NEURL1: variants seen among roughly 807,000 people sequenced by gnomAD.
The protein encoded by NEURL1 is E3 ubiquitin-protein ligase NEURL1.
A neutral mutation model predicts 41.2 loss-of-function variants in NEURL1; 26 were observed. The observed-to-expected ratio is 0.63, with a 90% CI of 0.46 to 0.87. NEURL1 has a LOEUF of 0.87. Among genes scored for constraint, NEURL1 ranks in the 40% least tolerant of loss-of-function variants. The pLI is 0.00. For synonymous variants in NEURL1, 400 were observed against 402.3 expected, an observed-to-expected ratio of 0.99 and a Z score of 0.07; for missense variants, 761 against 871.1, an observed-to-expected ratio of 0.87 and a Z score of 1.59.
intron 1 of NEURL1, among the ~76,000 whole-genome samples, chr10:103,495,584 A>G (rs1016491540): frequency 6.6e-6 from 1 of 152,196 alleles, no homozygotes; most frequent in Admixed American, 6.5e-5. Context: ...CCTCGGCGCT[A>G]GGTGCTAGGC....
Position 103,566,458 on chromosome 10 carries a change from C to T in NEURL1, c.86-4414C>T, listed in dbSNP as rs1257457986. ...AAAATATCATACGGATGGAATCGTA[C>T]AGCATACAGCCCTTTGCATCTGGCT... On this transcript the variant is annotated intron_variant, in intron 1 of 5. Coordinates refer to ENST00000369780, the MANE Select transcript of NEURL1 (RefSeq NM_004210.5). This position sits in a 1 kb window ranked among gnomAD's most constrained non-coding sequence, Gnocchi z 4.2. Among the ~76,000 whole-genome samples, 4 of 152,180 alleles carry T rather than the reference C, an allele frequency of 2.6e-5. No homozygotes were observed. Among genetic ancestry groups the T allele is most frequent in the African/African-American group, 9.7e-5 (4 of 41,450 alleles).
At chr10:103,515,668 T>A (rs2148021) in intron 1 of NEURL1, among the ~76,000 whole-genome samples, 40,497 of 152,236 alleles carry the variant, frequency 0.27, 5,798 homozygotes, top group East Asian at 0.41. Context: ...AGTGAAACAT[T>A]TAGCTCAGCC....
In NEURL1 at chr10:103,581,311, CAT is replaced by C. The variant is rs2035779584; in HGVS notation, c.650-3224_650-3223del. Reference sequence around the variant, plus strand: ...AAAGCCCATGCACTTTCTTCTGAATCATGTGGCATTTCACATGCCAATAACAA... The same window carrying C: ...AAAGCCCATGCACTTTCTTCTGAATCGTGGCATTTCACATGCCAATAACAA... On this transcript the variant is annotated intron_variant, in intron 3 of 5. Coordinates refer to ENST00000369780, the MANE Select transcript of NEURL1 (RefSeq NM_004210.5). Among the ~76,000 whole-genome samples, 3 of 152,332 alleles carry C rather than the reference CAT, an allele frequency of 2.0e-5. No homozygotes were observed. In the South Asian group the frequency reaches 6.2e-4, roughly 32 times the overall value.
chr10:103,570,321 G>A (rs949458282), intron 1 of NEURL1, among the ~76,000 whole-genome samples: 7 of 152,112 alleles, frequency 4.6e-5, no homozygotes, highest in African/African-American at 4.8e-5. Context: ...AGTAGAGGCC[G>A]CCCATTGTGC....
At chr10:103,568,707 C>A (rs2035476869) in intron 1 of NEURL1, among the ~76,000 whole-genome samples, 1 of 152,182 alleles carries the variant, frequency 6.6e-6, no homozygotes, top group South Asian at 2.1e-4. Flanking sequence ...AGGAACACAG[C>A]CACACTGCCA....
chr10:103,494,076 G>T lies in NEURL1; in HGVS notation c.-312G>T, dbSNP rs1248644632. The T allele has an allele frequency of 3.9e-6, 1 of 255,652 alleles. No homozygotes were observed. Among genetic ancestry groups the T allele is most frequent in the East Asian group, 8.4e-5 (1 of 11,950 alleles). 15.8% of individuals were successfully genotyped at this position (255,652 alleles called of 1,614,324 possible). ...CCAGCCGGAACCCTAGCGTCCCGGG[G>T]AGCAAGCGGGGAGCCCCGGGCGTCC... On this transcript the variant is annotated 5_prime_UTR_variant, in exon 1 of 6. Coordinates refer to ENST00000369780, the MANE Select transcript of NEURL1 (RefSeq NM_004210.5).
chr10:103,583,071 G>T (rs571680193), intron 3 of NEURL1, among the ~76,000 whole-genome samples: 1 of 152,314 alleles, frequency 6.6e-6, no homozygotes, highest in African/African-American at 2.4e-5. Context: ...TTTATTGAAA[G>T]TTATAGGACT....
At chr10:103,540,728 T>C (rs1327801149) in intron 1 of NEURL1, among the ~76,000 whole-genome samples, 1 of 152,256 alleles carries the variant, frequency 6.6e-6, no homozygotes, top group Non-Finnish European at 1.5e-5. Context: ...ATTCTCTTCT[T>C]GTTGATGGAG....
At chr10:103,506,175 G>T (rs2033942519) in intron 1 of NEURL1, among the ~76,000 whole-genome samples, 1 of 152,182 alleles carries the variant, frequency 6.6e-6, no homozygotes, top group South Asian at 2.1e-4. Flanking sequence ...CATGCTCTTG[G>T]CTTTCACCTT....
At chr10:103,530,246 G>A (rs547419658) in intron 1 of NEURL1, among the ~76,000 whole-genome samples, 32 of 149,062 alleles carry the variant, frequency 2.1e-4, no homozygotes, top group Non-Finnish European at 3.6e-4. Flanking sequence ...TTTGTGTTTT[G>A]TTTGTTCTTT....
chr10:103,542,631 T>TG (rs1393047360), intron 1 of NEURL1, among the ~76,000 whole-genome samples: 1 of 152,186 alleles, frequency 6.6e-6, no homozygotes, highest in East Asian at 1.9e-4. Flanking sequence ...GCTGTTGTCT[T>TG]GGGGTGGTGT....
chr10:103,582,328 C>G (rs2035798912), intron 3 of NEURL1, among the ~76,000 whole-genome samples: 1 of 152,332 alleles, frequency 6.6e-6, no homozygotes, highest in South Asian at 2.1e-4. Context: ...CCATTTGTCT[C>G]TCCTACCTCC....
chr10:103,534,180 A>ATT (rs35899711), intron 1 of NEURL1, among the ~76,000 whole-genome samples: 14,811 of 138,514 alleles, frequency 0.11, 1,061 homozygotes, highest in South Asian at 0.27. Flanking sequence ...GTCTATCTGT[A>ATT]TTTTTTTTTT....
At position 103,566,159 on chromosome 10, in the gene NEURL1, A is replaced by G. The variant is rs2035419877; in HGVS notation, c.86-4713A>G. Among the ~76,000 whole-genome samples, 1 of 151,822 alleles carries G rather than the reference A, an allele frequency of 6.6e-6. No homozygotes were observed. Among genetic ancestry groups the G allele is most frequent in the African/African-American group, 2.4e-5 (1 of 41,282 alleles). ...GGCTGAAGTGCAGTGGTGCTATCAT[A>G]GCTCACTGCAATCTCAAATTCCTGG... On this transcript the variant is annotated intron_variant, in intron 1 of 5. Coordinates refer to ENST00000369780, the MANE Select transcript of NEURL1 (RefSeq NM_004210.5). The surrounding 1 kb of genome is among the most constrained non-coding windows in gnomAD (Gnocchi z 4.2).
chr10:103,553,179 C>A (rs192766979), intron 1 of NEURL1, among the ~76,000 whole-genome samples: 14 of 152,310 alleles, frequency 9.2e-5, no homozygotes, highest in Non-Finnish European at 1.8e-4. Flanking sequence ...ATTTCCTCAT[C>A]TGTAAAATGG....
At chr10:103,562,640 G>A (rs895726515) in intron 1 of NEURL1, among the ~76,000 whole-genome samples, 1 of 152,182 alleles carries the variant, frequency 6.6e-6, no homozygotes, top group Non-Finnish European at 1.5e-5. Flanking sequence ...TTAATCTTGT[G>A]TAAGAACCAG....
In NEURL1 at chr10:103,590,243, C is replaced by G. The variant is rs765431460; in HGVS notation, c.1596C>G (p.Val532=). 1 of 1,613,558 alleles carries G rather than the reference C, an allele frequency of 6.2e-7. No individual in the cohort carries two copies. The highest frequency in any genetic ancestry group is 1.1e-5 in the South Asian group (1 of 91,008). Reference sequence around the variant, plus strand: ...GCTATGAACACGCGGTGGACACGGTCATCTACACATGTGGCCACATGTGCC... The same window carrying G: ...GCTATGAACACGCGGTGGACACGGTGATCTACACATGTGGCCACATGTGCC... ...TICYEHAVDT[V]IYTCGHMCLC... The change falls in exon 6 of 6, where the codon GTC becomes GTG. Residue 532 remains valine (V), a synonymous_variant. Coordinates refer to ENST00000369780, the MANE Select transcript of NEURL1 (RefSeq NM_004210.5).
At position 103,571,596 on chromosome 10, in the gene NEURL1, C is replaced by T. The variant is rs200022664; in HGVS notation, c.423C>T (p.Tyr141=). Reference sequence around the variant, plus strand: ...TCCACCCTGACTCGCTGCCCAAGTACGCCTGCCCCGACCTGGTGTCCCAGA... The same window carrying T: ...TCCACCCTGACTCGCTGCCCAAGTATGCCTGCCCCGACCTGGTGTCCCAGA... The part of the protein sequence containing the change: ...SRIHPDSLPK[Y]ACPDLVSQSG... The change falls in exon 3 of 6, where the codon TAC becomes TAT. Residue 141 remains tyrosine (Y), a synonymous_variant. Transcript: ENST00000369780. 124 of 1,614,052 alleles carry T rather than the reference C, an allele frequency of 7.7e-5. No homozygotes were observed. The African/African-American group carries it at 1.3e-3, about 17-fold the overall frequency.
chr10:103,520,553 G>T (rs1418772108), intron 1 of NEURL1, among the ~76,000 whole-genome samples: 1 of 152,178 alleles, frequency 6.6e-6, no homozygotes, highest in Non-Finnish European at 1.5e-5. Context: ...GACTTCTTTT[G>T]TGATTCTTCA....
Sources: allele counts gnomAD v4.1 joint callset (sites outside exome capture counted in the v4.1 genomes callset), GRCh38; gene constraint gnomAD v4.1.1; non-coding constraint Gnocchi (gnomAD v3.1); transcripts MANE v1.5; gene names NCBI Gene and HGNC (gene_info 2026-07-23, HGNC 2026-07-21).